Variants in KCNN2 observed in about 807,000 individuals in gnomAD.
KCNN2 encodes the protein potassium calcium-activated channel subfamily N member 2, also known as small conductance calcium-activated potassium channel protein 2.
Under a neutral mutation model 55.5 loss-of-function variants are expected in KCNN2, and 24 were observed. The observed-to-expected ratio is 0.43, with a 90% CI of 0.31 to 0.61. KCNN2 has a LOEUF of 0.61. Among genes scored for constraint, KCNN2 ranks in the 20% least tolerant of loss-of-function variants. KCNN2 has a pLI of 0.08. For synonymous variants in KCNN2, 431 were observed against 336.1 expected (o/e 1.28, Z -3.09); for missense variants, 754 against 853.6 (o/e 0.88, Z 1.45).
chr5:114,141,951 A>T (rs184958036), intron 1 of KCNN2, among the ~76,000 whole-genome samples: 2 of 152,052 alleles, frequency 1.3e-5, no homozygotes, highest in African/African-American at 4.8e-5. Context: ...GTCTGTTCAT[A>T]TCCTTTGCCC....
intron 1 of KCNN2, among the ~76,000 whole-genome samples, chr5:114,113,643 T>C (rs1751650345): frequency 6.6e-6 from 1 of 152,056 alleles, no homozygotes; most frequent in Admixed American, 6.6e-5. Context: ...GAGTGATAAA[T>C]TATGGACATG....
intron 2 of KCNN2, among the ~76,000 whole-genome samples, chr5:114,256,410 G>A (rs1754984724): frequency 1.3e-5 from 2 of 152,110 alleles, no homozygotes; most frequent in Non-Finnish European, 2.9e-5. Flanking sequence ...TGGAATTGCT[G>A]GATTGAATGG....
chr5:114,269,945 G>C (rs529214830), intron 2 of KCNN2, among the ~76,000 whole-genome samples: 91 of 152,282 alleles, frequency 6.0e-4, no homozygotes, highest in African/African-American at 2.1e-3. Context: ...ATTTGCAAAC[G>C]TTATTGTCCT....
chr5:114,092,015 C>A (rs1048940867), intron 1 of KCNN2, among the ~76,000 whole-genome samples: 5 of 152,186 alleles, frequency 3.3e-5, no homozygotes, highest in African/African-American at 1.2e-4. Context: ...TCATGCCTTC[C>A]TAACAGTTTC....
chr5:114,057,364 G>T (rs1302424105), intron 1 of KCNN2, among the ~76,000 whole-genome samples: 2 of 152,188 alleles, frequency 1.3e-5, no homozygotes, highest in African/African-American at 4.8e-5. Context: ...CTTTTTTACA[G>T]ATGGGGTAAC....
chr5:114,401,464 G>A (rs12188044), intron 2 of KCNN2, among the ~76,000 whole-genome samples: 34,016 of 152,076 alleles, frequency 0.22, 4,281 homozygotes, highest in Non-Finnish European at 0.28. Flanking sequence ...ACTGTTAACT[G>A]AGAAATAACA....
At chr5:114,366,334 TATG>T (rs1757601434) in intron 2 of KCNN2, among the ~76,000 whole-genome samples, 1 of 152,204 alleles carries the variant, frequency 6.6e-6, no homozygotes, top group Admixed American at 6.5e-5. Flanking sequence ...GTTTATTTTA[TATG>T]ATATGTGGTT....
intron 1 of KCNN2, among the ~76,000 whole-genome samples, chr5:114,169,411 G>A (rs569750823): frequency 3.9e-5 from 6 of 152,076 alleles, no homozygotes; most frequent in Non-Finnish European, 7.4e-5. Context: ...GAGTGGGAGA[G>A]AGTGGTACAG....
intron 1 of KCNN2, among the ~76,000 whole-genome samples, chr5:114,104,955 T>C (rs1188628461): frequency 6.6e-6 from 1 of 152,052 alleles, no homozygotes; most frequent in Middle Eastern, 3.2e-3. Context: ...AATGAAAAGC[T>C]GGAGGCCACA....
At chr5:114,452,340 C>G (rs183041195) in intron 3 of KCNN2, among the ~76,000 whole-genome samples, 17 of 152,306 alleles carry the variant, frequency 1.1e-4, no homozygotes, top group Admixed American at 2.6e-4. Context: ...CTCATGTCAT[C>G]ATTTTCAATC....
At chr5:114,309,267 A>T (rs1453466604) in intron 2 of KCNN2, among the ~76,000 whole-genome samples, 4 of 152,286 alleles carry the variant, frequency 2.6e-5, no homozygotes, top group African/African-American at 9.6e-5. Flanking sequence ...GTAAATAGCG[A>T]TTCAAAATTA....
intron 2 of KCNN2, among the ~76,000 whole-genome samples, chr5:114,349,191 T>A (rs1203164498): frequency 6.6e-6 from 1 of 152,176 alleles, no homozygotes; most frequent in Non-Finnish European, 1.5e-5. Flanking sequence ...TTCCTTTATG[T>A]CTTTTCAAGG....
intron 2 of KCNN2, among the ~76,000 whole-genome samples, chr5:114,252,631 TC>T (rs1184623260): frequency 3.9e-5 from 6 of 152,038 alleles, no homozygotes; most frequent in Non-Finnish European, 5.9e-5. Context: ...ACTGTGAAAA[TC>T]AGTAGTTTAT....
rs139954375 is a variant in KCNN2 at position 114,238,949 on chromosome 5, G to C, written c.-185+17384G>C. On this transcript the variant is annotated intron_variant, in intron 2 of 10. Coordinates refer to the KCNN2 transcript ENST00000512097. ...TTGATGATAATGTCTTTATCATCTAGTTACTGTTCTACATCTCATCTCCTG... is the reference window on the plus strand; with the variant it reads ...TTGATGATAATGTCTTTATCATCTACTTACTGTTCTACATCTCATCTCCTG... Among the ~76,000 whole-genome samples, 140 of 152,248 alleles carry C rather than the reference G, an allele frequency of 9.2e-4. 5 individuals are homozygous for C. Among genetic ancestry groups the C allele is most frequent in the African/African-American group, 3.1e-3 (127 of 41,556 alleles).
intron 2 of KCNN2, among the ~76,000 whole-genome samples, chr5:114,391,592 A>G (rs548392273): frequency 6.6e-6 from 1 of 152,294 alleles, no homozygotes; most frequent in Non-Finnish European, 1.5e-5. Context: ...CACCCACCCC[A>G]GAAATAACTC....
At chr5:114,149,191 A>G (rs1023747738) in intron 1 of KCNN2, among the ~76,000 whole-genome samples, 1 of 152,194 alleles carries the variant, frequency 6.6e-6, no homozygotes, top group Non-Finnish European at 1.5e-5. Flanking sequence ...TGATTGTCCC[A>G]TAATAACCCT....
chr5:114,468,527 T>C (rs896479318), intron 4 of KCNN2, among the ~76,000 whole-genome samples: 3 of 152,174 alleles, frequency 2.0e-5, no homozygotes, highest in Admixed American at 2.0e-4. Context: ...TGGATAAATT[T>C]TAATTATAGG....
chr5:114,350,020 T>C (rs1394844291), intron 2 of KCNN2, among the ~76,000 whole-genome samples: 1 of 152,058 alleles, frequency 6.6e-6, no homozygotes, highest in East Asian at 1.9e-4. Context: ...CCTATGCTTT[T>C]CATGTGCCCA....
intron 2 of KCNN2, among the ~76,000 whole-genome samples, chr5:114,267,982 G>C (rs934032115): frequency 3.9e-5 from 6 of 152,076 alleles, no homozygotes; most frequent in African/African-American, 1.4e-4. Flanking sequence ...CCTTTGCAGG[G>C]AGCTCCCTCC....
Sources: gnomAD v4.1 joint callset for allele counts (sites outside exome capture counted in the v4.1 genomes callset) on GRCh38, gnomAD v4.1.1 for gene constraint, MANE v1.5 for transcripts, NCBI Gene and HGNC (gene_info 2026-07-23, HGNC 2026-07-21) for gene names.